EPS15: variants seen among roughly 807,000 people sequenced by gnomAD.
EPS15 encodes epidermal growth factor receptor substrate 15.
EPS15 carries 72 observed loss-of-function variants against 113.8 expected under a neutral mutation model. The ratio of observed to expected loss-of-function variants is 0.63; its 90% CI spans 0.52 to 0.77. The LOEUF is 0.77. EPS15 is among the 30% of genes least tolerant of loss of function. The pLI, the probability that EPS15 is intolerant of heterozygous loss-of-function variation, is 0.00. For missense variants in EPS15, 1,048 were observed against 1,045.8 expected (o/e 1.00, Z -0.03); for synonymous variants, 344 against 363.4 (o/e 0.95, Z 0.61).
intron 2 of EPS15, among the ~76,000 whole-genome samples, chr1:51,478,078 T>C (rs1643946922): frequency 6.6e-6 from 1 of 152,222 alleles, no homozygotes; most frequent in Non-Finnish European, 1.5e-5. Flanking sequence ...ATTATTACTG[T>C]GTGGGAGTCT....
At position 51,355,726 on chromosome 1, in the gene EPS15, A is replaced by AC. The variant is rs1393333829; in HGVS notation, c.*973dup. ...ATGAGCCTTCATTAAAAAAAAAAAA[A>AC]CAAATATATATGAAAAATTAAAGTA... On this transcript the variant is annotated 3_prime_UTR_variant, in exon 25 of 25. Coordinates refer to ENST00000371733, the MANE Select transcript of EPS15 (RefSeq NM_001981.3). 1 of 188,132 alleles carries AC rather than the reference A, an allele frequency of 5.3e-6. No individual in the cohort carries two copies. Among genetic ancestry groups the AC allele is most frequent in the African/African-American group, 2.4e-5 (1 of 42,468 alleles). The allele number at this position is 188,132 out of a possible 1,614,324, so 11.7% of individuals were successfully genotyped here.
At chr1:51,422,774 G>C (rs1488910241) in intron 12 of EPS15, among the ~76,000 whole-genome samples, 1 of 152,212 alleles carries the variant, frequency 6.6e-6, no homozygotes, top group Non-Finnish European at 1.5e-5. Context: ...CAAAATGAGA[G>C]AAAAAGCTCA....
chr1:51,500,862 T>C (rs975438190), intron 1 of EPS15, among the ~76,000 whole-genome samples: 2 of 151,598 alleles, frequency 1.3e-5, no homozygotes, highest in Non-Finnish European at 2.9e-5. Context: ...CACACACCTG[T>C]AATCCCAGCT....
At chr1:51,409,056 G>T (rs1229122324) in intron 14 of EPS15, among the ~76,000 whole-genome samples, 2 of 152,080 alleles carry the variant, frequency 1.3e-5, no homozygotes. Flanking sequence ...AAAGTGCTGG[G>T]ATTAAAGGCG....
Position 51,421,833 on chromosome 1 carries a change from G to A in EPS15, c.1066C>T (p.Leu356Phe). The A allele has an allele frequency of 6.2e-7, 1 of 1,609,968 alleles. No homozygotes were observed. The highest frequency in any genetic ancestry group is 8.5e-7 in the Non-Finnish European group (1 of 1,177,686). ...TTAATAGTATCTTCCTTCTCCTTAA[G>A]GTCCTGTTCCACATTATTCTTTTCC... ...QREKNNVEQD[L>F]KEKEDTIKQR... The change falls in exon 13 of 25, where the codon CTT (leucine) becomes TTT (phenylalanine). Residue 356 changes from leucine (L) to phenylalanine (F), a missense_variant. Transcript: ENST00000371733.
intron 20 of EPS15, among the ~76,000 whole-genome samples, chr1:51,395,487 C>T (rs116370345): frequency 0.032 from 4,859 of 151,844 alleles, 127 homozygotes; most frequent in Non-Finnish European, 0.05. Flanking sequence ...GCATTCTGAC[C>T]CTCAGAGAGA....
At chr1:51,454,429 C>T (rs1342644529) in intron 8 of EPS15, among the ~76,000 whole-genome samples, 1 of 152,186 alleles carries the variant, frequency 6.6e-6, no homozygotes, top group Non-Finnish European at 1.5e-5. Flanking sequence ...CTGGCAAACA[C>T]TTATCTTAAA....
intron 12 of EPS15, among the ~76,000 whole-genome samples, chr1:51,427,310 T>C (rs1379963839): frequency 1.3e-5 from 2 of 152,198 alleles, no homozygotes; most frequent in Non-Finnish European, 2.9e-5. Context: ...ACTATACAAC[T>C]TATCTACTTA....
chr1:51,394,188 A>G, intron 21 of EPS15, 193 bp downstream of exon 21: 1 of 443,764 alleles, frequency 2.3e-6, no homozygotes, highest in Non-Finnish European at 4.2e-6. Context: ...TTCAACATGA[A>G]TAATAAATGA....
At chr1:51,398,071 T>C (rs1307056723) in intron 20 of EPS15, among the ~76,000 whole-genome samples, 3 of 151,804 alleles carry the variant, frequency 2.0e-5, no homozygotes, top group Non-Finnish European at 4.4e-5. Context: ...TTTTTTTTTT[T>C]GAGACGGAGT....
chr1:51,410,025 A>AC (rs1372082532), intron 13 of EPS15, among the ~76,000 whole-genome samples: 1 of 149,884 alleles, frequency 6.7e-6, no homozygotes, highest in African/African-American at 2.5e-5. Context: ...TCAAAAAAAA[A>AC]CCCCACATGG....
At chr1:51,489,282 A>G (rs1031342821) in intron 1 of EPS15, among the ~76,000 whole-genome samples, 1 of 142,330 alleles carries the variant, frequency 7.0e-6, no homozygotes, top group Non-Finnish European at 1.5e-5. Flanking sequence ...ATAGCCTAGT[A>G]TACCATATAT....
intron 19 of EPS15, among the ~76,000 whole-genome samples, chr1:51,399,860 C>CA (rs199571462): frequency 0.033 from 4,965 of 148,450 alleles, 130 homozygotes; most frequent in Non-Finnish European, 0.051. Flanking sequence ...AAGACTGTCT[C>CA]AAAAAAAAAA....
At chr1:51,403,303 T>A in intron 17 of EPS15, 116 bp downstream of exon 17, 1 of 477,122 alleles carries the variant, frequency 2.1e-6, no homozygotes, top group Non-Finnish European at 3.7e-6. Context: ...GGGCTTTTGA[T>A]GTATCTATCA....
chr1:51,473,928 T>C (rs185964858), intron 2 of EPS15, among the ~76,000 whole-genome samples: 200 of 152,196 alleles, frequency 1.3e-3, no homozygotes, highest in African/African-American at 4.7e-3. Flanking sequence ...TAAGAGGAAG[T>C]ATAAGGATTG....
intron 12 of EPS15, among the ~76,000 whole-genome samples, chr1:51,435,429 G>GT (rs1652073852): frequency 6.6e-5 from 10 of 152,070 alleles, no homozygotes; most frequent in African/African-American, 2.4e-4. Context: ...CCTGACCTCA[G>GT]GTGATCCACA....
In EPS15 at chr1:51,364,842, AT is replaced by A. The variant is rs58796247; in HGVS notation, c.2197-815del. Among the ~76,000 whole-genome samples the A allele has an allele frequency of 3.6e-4, 53 of 147,464 alleles. 1 individual carries two copies. The South Asian group carries it at 6.7e-3, about 19-fold the overall frequency. ...AGCAAACTGATCCCATAAAAGGATA[AT>A]TTTTTTTTTTGAGACAAGGTCTCAC... On this transcript the variant is annotated intron_variant, in intron 22 of 24. Transcript: ENST00000371733.
At chr1:51,367,318 T>A (rs548162606) in intron 21 of EPS15, among the ~76,000 whole-genome samples, 1 of 151,688 alleles carries the variant, frequency 6.6e-6, no homozygotes, top group Non-Finnish European at 1.5e-5. Context: ...TTGGGAAACA[T>A]AGGTGGGCAG....
At position 51,463,687 on chromosome 1, in the gene EPS15, C is replaced by A; in HGVS notation, c.487G>T (p.Asp163Tyr). ...PVLLNSKLPVDILGRVWELSD... is the reference protein window; with the variant it reads ...PVLLNSKLPVYILGRVWELSD... The stretch of plus-strand genomic sequence containing the variant: ...TAATATCTTACTCTTCCAAGGATAT[C>A]CACAGGTAACTTAGAGTTGAGCAAC... The change falls in exon 7 of 25, where the codon GAT becomes TAT. Residue 163 changes from aspartate to tyrosine, a missense_variant. Transcript: ENST00000371733. 1.9e-6 allele frequency: 3 copies of A among 1,592,704 alleles called. No individual in the cohort carries two copies. The African/African-American group carries it at 4.0e-5, about 21-fold the overall frequency.
Sources: allele counts gnomAD v4.1 joint callset (sites outside exome capture counted in the v4.1 genomes callset), GRCh38; gene constraint gnomAD v4.1.1; transcripts MANE v1.5; gene names NCBI Gene and HGNC (gene_info 2026-07-23, HGNC 2026-07-21).